The following NXPH1 variants were observed in gnomAD, a reference collection of about 807,000 sequenced individuals.
NXPH1 encodes the protein neurexophilin 1.
NXPH1 carries 5 observed loss-of-function variants against 23.7 expected under a neutral mutation model. The observed-to-expected ratio is 0.21, with a 90% CI of 0.11 to 0.44. The LOEUF (loss-of-function observed/expected upper bound fraction) is 0.44. Among genes scored for constraint, NXPH1 ranks in the 20% least tolerant of loss-of-function variants. The pLI, the probability that NXPH1 is intolerant of heterozygous loss-of-function variation, is 0.99. For synonymous variants in NXPH1, 144 were observed against 122.2 expected (o/e 1.18, Z -1.18); for missense variants, 324 against 321.6 (o/e 1.01, Z -0.06).
chr7:8,477,226 A>T (rs145791372), intron 2 of NXPH1, among the ~76,000 whole-genome samples: 211 of 152,258 alleles, frequency 1.4e-3, no homozygotes, highest in African/African-American at 4.8e-3. Flanking sequence ...CAGTTTCTAT[A>T]AGCAATTAAA....
chr7:8,673,061 C>A (rs1382893546), intron 2 of NXPH1, among the ~76,000 whole-genome samples: 1 of 152,126 alleles, frequency 6.6e-6, no homozygotes, highest in Non-Finnish European at 1.5e-5. Flanking sequence ...ATATTGAAAA[C>A]ATCTTAGCAG....
intron 2 of NXPH1, among the ~76,000 whole-genome samples, chr7:8,661,925 C>T (rs930276779): frequency 6.7e-6 from 1 of 149,550 alleles, no homozygotes; most frequent in Non-Finnish European, 1.5e-5. Context: ...ATCAAGTATC[C>T]CCCCCAAAAA....
intron 2 of NXPH1, among the ~76,000 whole-genome samples, chr7:8,469,517 G>C (rs559399332): frequency 4.6e-5 from 7 of 152,034 alleles, no homozygotes; most frequent in African/African-American, 1.4e-4. Flanking sequence ...CTGAACAATC[G>C]TTCCCTCTCC....
intron 2 of NXPH1, among the ~76,000 whole-genome samples, chr7:8,523,473 T>C (rs1817809215): frequency 6.6e-6 from 1 of 152,190 alleles, no homozygotes; most frequent in African/African-American, 2.4e-5. Context: ...TTAAGTACAA[T>C]TTTCTCTACA....
chr7:8,717,061 A>G (rs1779890014), intron 2 of NXPH1, among the ~76,000 whole-genome samples: 1 of 152,200 alleles, frequency 6.6e-6, no homozygotes, highest in South Asian at 2.1e-4. Flanking sequence ...TACTGGGTGA[A>G]TGTGATTGGA....
intron 2 of NXPH1, among the ~76,000 whole-genome samples, chr7:8,559,971 C>A (rs376873516): frequency 2.0e-5 from 3 of 151,528 alleles, no homozygotes; most frequent in South Asian, 4.2e-4. Flanking sequence ...ACCATGAAGT[C>A]GGGAGAGAAG....
Position 8,751,809 on chromosome 7 carries a change from AG to A in NXPH1, c.*42del. The A allele has an allele frequency of 6.4e-7, 1 of 1,552,038 alleles. No individual in the cohort carries two copies. Among genetic ancestry groups the A allele is most frequent in the Non-Finnish European group, 8.7e-7 (1 of 1,150,886 alleles). ...GTGAGACTGAAGCCTGAGGAATTAA[AG>A]GTCATATGACAGGGCTGTTACCTCA... On this transcript the variant is annotated 3_prime_UTR_variant, in exon 3 of 3. Coordinates refer to ENST00000405863, the MANE Select transcript of NXPH1 (RefSeq NM_152745.3). This position sits in a 1 kb window ranked among gnomAD's most constrained non-coding sequence, Gnocchi z 4.5.
At chr7:8,492,616 T>C (rs1817267263) in intron 2 of NXPH1, among the ~76,000 whole-genome samples, 1 of 152,040 alleles carries the variant, frequency 6.6e-6, no homozygotes, top group Admixed American at 6.6e-5. Flanking sequence ...GTAAATAAAC[T>C]TCATATGCTT....
At chr7:8,722,724 A>C (rs1779989460) in intron 2 of NXPH1, among the ~76,000 whole-genome samples, 1 of 152,174 alleles carries the variant, frequency 6.6e-6, no homozygotes, top group East Asian at 1.9e-4. Flanking sequence ...GCTCTCAATA[A>C]AGGAAAACCT....
chr7:8,607,343 A>C (rs1434014750), intron 2 of NXPH1, among the ~76,000 whole-genome samples: 1 of 152,186 alleles, frequency 6.6e-6, no homozygotes, highest in Non-Finnish European at 1.5e-5. Flanking sequence ...AGAAGAATGC[A>C]TTTGGCTTCA....
chr7:8,550,029 A>G (rs1015806612), intron 2 of NXPH1, among the ~76,000 whole-genome samples: 6 of 151,642 alleles, frequency 4.0e-5, no homozygotes, highest in African/African-American at 1.5e-4. Context: ...TTTCTCAGTT[A>G]GAAAGAATAC....
At chr7:8,614,577 C>T (rs1418714852) in intron 2 of NXPH1, among the ~76,000 whole-genome samples, 1 of 151,754 alleles carries the variant, frequency 6.6e-6, no homozygotes. Flanking sequence ...TACACATACA[C>T]ATTTAGAGAT....
intron 2 of NXPH1, among the ~76,000 whole-genome samples, chr7:8,744,250 G>A (rs992852653): frequency 6.6e-6 from 1 of 152,172 alleles, no homozygotes; most frequent in Non-Finnish European, 1.5e-5. Context: ...CATCAAATTT[G>A]TGGAAATGGT....
chr7:8,591,065 G>T (rs180878444), intron 2 of NXPH1, among the ~76,000 whole-genome samples: 1 of 152,052 alleles, frequency 6.6e-6, no homozygotes, highest in African/African-American at 2.4e-5. Flanking sequence ...GTTTAGAACA[G>T]CGTAAGAAAA....
intron 2 of NXPH1, among the ~76,000 whole-genome samples, chr7:8,629,046 A>T (rs1246993483): frequency 3.3e-5 from 5 of 151,810 alleles, no homozygotes; most frequent in African/African-American, 7.3e-5. Context: ...AAGGAGAAAG[A>T]TAAGAAATGA....
intron 2 of NXPH1, among the ~76,000 whole-genome samples, chr7:8,536,345 A>G (rs1321729988): frequency 1.3e-5 from 2 of 152,046 alleles, no homozygotes; most frequent in Non-Finnish European, 2.9e-5. Flanking sequence ...TGGAGTGATA[A>G]GAACATGGCT....
intron 2 of NXPH1, among the ~76,000 whole-genome samples, chr7:8,495,309 A>C (rs1817316162): frequency 2.0e-5 from 3 of 151,354 alleles, no homozygotes; most frequent in Admixed American, 6.6e-5. Flanking sequence ...GATGAGACCC[A>C]CCCACATTAT....
At chr7:8,651,738 A>G (rs1017569346) in intron 2 of NXPH1, among the ~76,000 whole-genome samples, 1 of 152,192 alleles carries the variant, frequency 6.6e-6, no homozygotes, top group Non-Finnish European at 1.5e-5. Flanking sequence ...CCTTTATCCT[A>G]TGTTATGATA....
chr7:8,623,537 A>G (rs1449649193), intron 2 of NXPH1, among the ~76,000 whole-genome samples: 1 of 152,020 alleles, frequency 6.6e-6, no homozygotes, highest in Non-Finnish European at 1.5e-5. Context: ...GTAAACTGTG[A>G]TCGAATCATA....
Sources: allele counts gnomAD v4.1 joint callset (sites outside exome capture counted in the v4.1 genomes callset), GRCh38; gene constraint gnomAD v4.1.1; non-coding constraint Gnocchi (gnomAD v3.1); transcripts MANE v1.5; gene names NCBI Gene and HGNC (gene_info 2026-07-23, HGNC 2026-07-21).